Variants in TMEM223 observed in about 807,000 individuals in gnomAD.
TMEM223 encodes transmembrane protein 223.
Under a neutral mutation model 14.1 loss-of-function variants are expected in TMEM223, and 14 were observed. The ratio of observed to expected loss-of-function variants is 0.99; its 90% CI spans 0.66 to 1.55. The LOEUF (loss-of-function observed/expected upper bound fraction) is 1.55, where lower values mean the gene tolerates loss of function less well. Ranked by LOEUF, TMEM223 falls within the 40% of genes most tolerant of loss-of-function variation. TMEM223 has a pLI of 0.00. For missense variants in TMEM223, 346 were observed against 269.9 expected, an observed-to-expected ratio of 1.28 and a Z score of -1.97; for synonymous variants, 145 against 120.5, an observed-to-expected ratio of 1.20 and a Z score of -1.33.
chr11:62,787,137 G>T, downstream of TMEM223: 1 of 1,565,522 alleles, frequency 6.4e-7, no homozygotes, highest in African/African-American at 1.4e-5. Context: ...GGCAGGCTGG[G>T]AGGCGCTGCC....
At chr11:62,789,793 C>T (rs74337430), downstream of TMEM223, 4,971 of 1,538,314 alleles carry the variant, frequency 3.2e-3, 205 homozygotes, top group East Asian at 0.09. Flanking sequence ...GGGTTGTCAG[C>T]TTAAAATTCA....
chr11:62,779,974 A>ATTT (rs1432226168), intron 1 of TMEM223, among the ~76,000 whole-genome samples: 20 of 74,928 alleles, frequency 2.7e-4, no homozygotes, highest in African/African-American at 9.1e-4. Context: ...ATATATATAT[A>ATTT]TATTTTTTTT....
At chr11:62,775,693 T>C in intron 1 of TMEM223, 1 of 1,447,266 alleles carries the variant, frequency 6.9e-7, no homozygotes, top group Non-Finnish European at 9.2e-7. Context: ...GCAAGGCTGG[T>C]GTGGAGGGTG....
downstream of TMEM223, among the ~76,000 whole-genome samples, chr11:62,784,284 T>G (rs1482079961): frequency 2.3e-4 from 32 of 141,626 alleles, no homozygotes; most frequent in Admixed American, 2.2e-3. Flanking sequence ...CACCGGTGCC[T>G]GGCCATATAT....
intron 1 of TMEM223, among the ~76,000 whole-genome samples, chr11:62,779,976 A>ATTTTTT (rs1277954265): frequency 2.3e-4 from 12 of 52,624 alleles, no homozygotes; most frequent in African/African-American, 9.3e-4. Context: ...ATATATATAT[A>ATTTTTT]TTTTTTTTTT....
At chr11:62,786,800 C>T, downstream of TMEM223, 1 of 1,609,736 alleles carries the variant, frequency 6.2e-7, no homozygotes. Flanking sequence ...CGCTTTGGCA[C>T]CGGCCAGCCT....
chr11:62,782,625 G>C, downstream of TMEM223: 2 of 1,584,664 alleles, frequency 1.3e-6, no homozygotes, highest in Non-Finnish European at 1.7e-6. Flanking sequence ...TTCTCTTTGT[G>C]TTGTCTTGTG....
At chr11:62,789,618 A>G, downstream of TMEM223, 1 of 1,547,302 alleles carries the variant, frequency 6.5e-7, no homozygotes, top group South Asian at 1.3e-5. Context: ...GAAGCCCAGA[A>G]AATTCCATGG....
chr11:62,775,699 G>C (rs2084181774), intron 1 of TMEM223: 1 of 1,479,964 alleles, frequency 6.8e-7, no homozygotes, highest in Admixed American at 2.2e-5. Context: ...CTGGTGTGGA[G>C]GGTGTTGGAT....
At chr11:62,786,708 G>A, downstream of TMEM223, 1 of 1,612,856 alleles carries the variant, frequency 6.2e-7, no homozygotes, top group Non-Finnish European at 8.5e-7. Flanking sequence ...GGGGCGCGGG[G>A]CCGGAGGACC....
At chr11:62,787,562 A>T (rs770905618), downstream of TMEM223, 7 of 1,508,608 alleles carry the variant, frequency 4.6e-6, no homozygotes, top group African/African-American at 7.0e-5. Context: ...TAGGCGGGGG[A>T]GCTGGCCGGT....
downstream of TMEM223, chr11:62,787,180 C>T (rs1449427087): frequency 1.3e-6 from 2 of 1,586,692 alleles, no homozygotes; most frequent in South Asian, 1.1e-5. Context: ...CTTCCCCGCG[C>T]CGTACGGGCC....
intron 1 of TMEM223, among the ~76,000 whole-genome samples, chr11:62,779,976 A>ATT (rs1277954265): frequency 2.9e-4 from 15 of 52,622 alleles, no homozygotes; most frequent in African/African-American, 1.1e-3. Context: ...ATATATATAT[A>ATT]TTTTTTTTTT....
rs375024304 is a variant in TMEM223, at chr11:62,790,677, G to A, written c.555C>T (p.His185=). 2.5e-6 allele frequency: 4 copies of A among 1,612,328 alleles called. No individual in the cohort carries two copies. Among genetic ancestry groups the A allele is most frequent in the Non-Finnish European group, 3.4e-6 (4 of 1,179,156 alleles). ...RFYFLLDKTG[H]FPNTKLFDNT... ...TGTCAAAGAGTTTTGTGTTAGGGAA[G>A]TGTCCAGTTTTGTCCAAGAGGAAAT... Residue 185 remains histidine (H), a synonymous_variant, in exon 2 of 2, where the codon CAC becomes CAT. Coordinates refer to ENST00000307366, the MANE Select transcript of TMEM223 (RefSeq NM_001080501.3).
In TMEM223 at chr11:62,779,813, A is replaced by C. The variant is rs1590935005; in HGVS notation, c.315-5148T>G. ...CCCAAGTAGCTGGGATTACAGGGGC[A>C]TACCACCATGCCTGGCTAATTTTTG... is the stretch of plus-strand genomic sequence containing the variant. On this transcript the variant is annotated intron_variant, in intron 1 of 2. Transcript: ENST00000528367. Among the ~76,000 whole-genome samples, 5 of 148,368 alleles carry C rather than the reference A, an allele frequency of 3.4e-5. No homozygotes were observed. The East Asian group carries it at 1.0e-3, about 31-fold the overall frequency.
intron 1 of TMEM223, 55 bp downstream of exon 1, chr11:62,791,624 A>G: frequency 9.5e-6 from 14 of 1,469,250 alleles, no homozygotes; most frequent in Non-Finnish European, 1.2e-5. Context: ...TGTATAGGGA[A>G]GGTCGTGTCC....
downstream of TMEM223, chr11:62,786,405 TC>T: frequency 6.2e-7 from 1 of 1,609,694 alleles, no homozygotes; most frequent in Non-Finnish European, 8.5e-7. Context: ...ACCGTCCCCT[TC>T]CAGCCTCCCT....
At chr11:62,785,843 G>A (rs1419480613), downstream of TMEM223, among the ~76,000 whole-genome samples, 1 of 152,188 alleles carries the variant, frequency 6.6e-6, no homozygotes, top group East Asian at 1.9e-4. Flanking sequence ...CCAATCACAG[G>A]ATTTTAAATT....
downstream of TMEM223, chr11:62,786,002 A>G (rs1210453936): frequency 8.5e-6 from 3 of 353,956 alleles, no homozygotes. Flanking sequence ...AGTAATGAGC[A>G]TTATTTAGCA....
Sources: allele counts gnomAD v4.1 joint callset (sites outside exome capture counted in the v4.1 genomes callset), GRCh38; gene constraint gnomAD v4.1.1; transcripts MANE v1.5; gene names NCBI Gene and HGNC (gene_info 2026-07-23, HGNC 2026-07-21).